Variants in MGAT4D observed in about 807,000 individuals in gnomAD.
MGAT4D encodes the protein alpha-1,3-mannosyl-glycoprotein 4-beta-N-acetylglucosaminyltransferase-like protein MGAT4D.
A neutral mutation model predicts 15.9 loss-of-function variants in MGAT4D; 34 were observed. The ratio of observed to expected loss-of-function variants is 2.14; its 90% CI spans 1.62 to 2.84. The LOEUF is 2.84. Ranked by LOEUF, MGAT4D falls within the 30% of genes most tolerant of loss-of-function variation. The pLI is 0.00. For synonymous variants in MGAT4D, 112 were observed against 48.2 expected, an observed-to-expected ratio of 2.33 and a Z score of -5.49; for missense variants, 327 against 140.2, an observed-to-expected ratio of 2.33 and a Z score of -6.73.
chr4:140,449,155 A>T (rs1315119272), intron 10 of MGAT4D, among the ~76,000 whole-genome samples: 2 of 152,156 alleles, frequency 1.3e-5, no homozygotes, highest in Admixed American at 6.5e-5. Context: ...TAAGCAAAAA[A>T]CTTTCTTTTA....
chr4:140,459,310 C>T, intron 8 of MGAT4D: 2 of 264,654 alleles, frequency 7.6e-6, no homozygotes. Context: ...TTTGATCTCT[C>T]TAGAAAAAAG....
chr4:140,471,868 T>C, intron 4 of MGAT4D, 47 bp from the exon 5 acceptor site: 2 of 381,298 alleles, frequency 5.2e-6, no homozygotes, highest in Non-Finnish European at 9.5e-6. Context: ...TGTCTCATAG[T>C]TCTATTAATA....
intron 2 of MGAT4D, among the ~76,000 whole-genome samples, chr4:140,480,671 C>T (rs1044631387): frequency 6.6e-6 from 1 of 151,732 alleles, no homozygotes; most frequent in African/African-American, 2.4e-5. Flanking sequence ...GTTAAAGAAA[C>T]TGGCAAAACA....
intron 9 of MGAT4D, among the ~76,000 whole-genome samples, chr4:140,455,826 T>A (rs1335436293): frequency 1.3e-5 from 2 of 152,184 alleles, no homozygotes; most frequent in African/African-American, 4.8e-5. Context: ...TGCTTTTAAG[T>A]GTATTCTGAT....
intron 1 of MGAT4D, among the ~76,000 whole-genome samples, chr4:140,488,106 C>T (rs769995746): frequency 1.3e-5 from 2 of 152,188 alleles, no homozygotes; most frequent in Admixed American, 6.5e-5. Flanking sequence ...ATAATTGCCT[C>T]TTAATTGGTC....
intron 10 of MGAT4D, among the ~76,000 whole-genome samples, chr4:140,449,420 A>AT (rs1162512567): frequency 6.6e-6 from 1 of 152,148 alleles, no homozygotes; most frequent in Non-Finnish European, 1.5e-5. Flanking sequence ...AAATAAAATT[A>AT]TTTTTCTGCT....
At chr4:140,453,053 G>T (rs963438611) in intron 9 of MGAT4D, among the ~76,000 whole-genome samples, 1 of 152,020 alleles carries the variant, frequency 6.6e-6, no homozygotes, top group African/African-American at 2.4e-5. Context: ...ATATCAGTTC[G>T]TTATATTTTG....
At chr4:140,480,889 T>C (rs909083069) in intron 2 of MGAT4D, among the ~76,000 whole-genome samples, 1 of 151,830 alleles carries the variant, frequency 6.6e-6, no homozygotes, top group African/African-American at 2.4e-5. Flanking sequence ...TGAGCCATGA[T>C]TGTGCCATTG....
Position 140,451,479 on chromosome 4 carries a change from C to T in MGAT4D, c.1047G>A (p.Gln349=). The stretch of plus-strand genomic sequence containing the variant: ...CATGCTGGAAAAGAGAAGGTTTATA[C>T]TGAATACGTATTTGCTTCTTTCGTT... The part of the protein sequence containing the change: ...CMKRKKQIRI[Q]YKPSLFQHVG... Residue 349 remains glutamine, a synonymous_variant, in exon 10 of 11, where the codon CAG becomes CAA. Transcript: ENST00000511113. The T allele has an allele frequency of 1.6e-6, 1 of 613,052 alleles. No homozygotes were observed. The highest frequency in any genetic ancestry group is 3.0e-6 in the Non-Finnish European group (1 of 335,154). 38.0% of individuals were successfully genotyped at this position (613,052 alleles called of 1,614,324 possible).
intron 9 of MGAT4D, among the ~76,000 whole-genome samples, chr4:140,455,673 A>G (rs1181959131): frequency 1.3e-5 from 2 of 152,144 alleles, no homozygotes; most frequent in East Asian, 3.8e-4. Context: ...GAAATCTCCA[A>G]CTGTAATTGT....
intron 1 of MGAT4D, among the ~76,000 whole-genome samples, chr4:140,484,612 GCAAC>G (rs1032401868): frequency 1.1e-4 from 17 of 152,210 alleles, no homozygotes; most frequent in African/African-American, 3.9e-4. Context: ...GAGCGAACAG[GCAAC>G]CTACAGAATG....
At chr4:140,480,551 G>C (rs977796772) in intron 2 of MGAT4D, among the ~76,000 whole-genome samples, 7 of 152,114 alleles carry the variant, frequency 4.6e-5, no homozygotes, top group African/African-American at 1.7e-4. Context: ...GAGAATGAAA[G>C]AGTGTCACCA....
At chr4:140,465,381 T>C (rs1731465976) in intron 5 of MGAT4D, among the ~76,000 whole-genome samples, 1 of 152,224 alleles carries the variant, frequency 6.6e-6, no homozygotes. Context: ...ATTTTGAATT[T>C]AATAAGAGTC....
At chr4:140,498,081 G>A (rs927025686) in intron 1 of MGAT4D, 48 bp downstream of exon 1, 20 of 692,552 alleles carry the variant, frequency 2.9e-5, no homozygotes, top group Non-Finnish European at 4.5e-5. Flanking sequence ...CTGCAGCCCC[G>A]AAGCCCCCGC....
chr4:140,447,862 T>C (rs1263623299), intron 10 of MGAT4D, among the ~76,000 whole-genome samples: 1 of 152,178 alleles, frequency 6.6e-6, no homozygotes, highest in Non-Finnish European at 1.5e-5. Flanking sequence ...TTTCCATAGT[T>C]AGTGCTCCTT....
intron 2 of MGAT4D, among the ~76,000 whole-genome samples, chr4:140,480,764 CACACACACA>C (rs1732658868): frequency 6.6e-6 from 1 of 150,954 alleles, no homozygotes; most frequent in Non-Finnish European, 1.5e-5. Flanking sequence ...CACACACACA[CACACACACA>C]CACACACACA....
intron 8 of MGAT4D, chr4:140,456,982 T>C (rs1730851078): frequency 1.1e-5 from 2 of 189,368 alleles, no homozygotes; most frequent in Non-Finnish European, 2.2e-5. Context: ...CTCATGAGGA[T>C]TGATTGTCTA....
chr4:140,475,660 C>CA (rs1162390812), intron 3 of MGAT4D, among the ~76,000 whole-genome samples: 1,649 of 52,652 alleles, frequency 0.031, 34 homozygotes, highest in Non-Finnish European at 0.046. Context: ...AATAAAACTG[C>CA]AAAAAAAAAA....
At position 140,461,982 on chromosome 4, in the gene MGAT4D, C is replaced by G; in HGVS notation, c.709G>C (p.Asp237His). Residue 237 changes from aspartate (D) to histidine (H), a missense_variant, in exon 7 of 11, where the codon GAT (aspartate) becomes CAT (histidine). Asp to His is a moderately conservative substitution (Grantham distance 81). Coordinates refer to ENST00000511113, the MANE Select transcript of MGAT4D (RefSeq NM_001277353.2). ...GCATACAGCAACAAAATGCAAAAAT[C>G]CAATACCTGTTTGATTCGCCAACTA... ...LASWRIKQVL[D>H]FCILLLYAQP... The G allele has an allele frequency of 1.4e-6, 1 of 699,850 alleles. No individual in the cohort carries two copies. Among genetic ancestry groups the G allele is most frequent in the Non-Finnish European group, 2.6e-6 (1 of 383,628 alleles). 43.4% of individuals were successfully genotyped at this position (699,850 alleles called of 1,614,324 possible).
Sources: allele counts gnomAD v4.1 joint callset (sites outside exome capture counted in the v4.1 genomes callset), GRCh38; gene constraint gnomAD v4.1.1; transcripts MANE v1.5; gene names NCBI Gene and HGNC (gene_info 2026-07-23, HGNC 2026-07-21).